RMST: variants seen among roughly 807,000 people sequenced by gnomAD.
The protein encoded by RMST is long intergenic non-protein coding RNA 54.
chr12:97,487,787 G>T (rs958621055), intron 5 of RMST, among the ~76,000 whole-genome samples: 1 of 152,150 alleles, frequency 6.6e-6, no homozygotes, highest in Non-Finnish European at 1.5e-5. Context: ...TTAGCTCCTC[G>T]CAGTCTTTGT....
At chr12:97,528,241 G>A (rs1457429231) in intron 10 of RMST, among the ~76,000 whole-genome samples, 1 of 152,048 alleles carries the variant, frequency 6.6e-6, no homozygotes, top group Non-Finnish European at 1.5e-5. Flanking sequence ...AATATACTCA[G>A]TAATCAATAT....
chr12:97,546,783 T>C (rs1882965306), intron 11 of RMST, among the ~76,000 whole-genome samples: 1 of 152,126 alleles, frequency 6.6e-6, no homozygotes, highest in South Asian at 2.1e-4. Context: ...ATATACATTA[T>C]CTCACATACT....
intron 10 of RMST, among the ~76,000 whole-genome samples, chr12:97,498,662 G>A (rs1156433813): frequency 6.6e-6 from 1 of 152,094 alleles, no homozygotes. Context: ...TCAGGCAATC[G>A]TGGTAACTAC....
intron 10 of RMST, among the ~76,000 whole-genome samples, chr12:97,520,717 T>A (rs1299960431): frequency 6.6e-6 from 1 of 152,196 alleles, no homozygotes; most frequent in Non-Finnish European, 1.5e-5. Flanking sequence ...TTCCTATGAG[T>A]GTGTATGTGC....
intron 10 of RMST, among the ~76,000 whole-genome samples, chr12:97,497,628 C>T (rs1337877075): frequency 2.0e-5 from 3 of 151,438 alleles, no homozygotes; most frequent in Non-Finnish European, 4.4e-5. Flanking sequence ...AACCCTTTCC[C>T]ATGATAGTCA....
intron 11 of RMST, among the ~76,000 whole-genome samples, chr12:97,538,767 T>C (rs1882286044): frequency 6.6e-6 from 1 of 151,494 alleles, no homozygotes; most frequent in African/African-American, 2.4e-5. Flanking sequence ...ATTTCAATTA[T>C]GCTAATTTCT....
At chr12:97,477,308 T>C (rs1874670563) in intron 5 of RMST, among the ~76,000 whole-genome samples, 1 of 152,174 alleles carries the variant, frequency 6.6e-6, no homozygotes, top group Admixed American at 6.5e-5. Flanking sequence ...GCAATCCTGC[T>C]GAGCATTGAT....
chr12:97,467,130 G>A (rs1002284796), intron 5 of RMST, among the ~76,000 whole-genome samples: 1 of 151,928 alleles, frequency 6.6e-6, no homozygotes, highest in Admixed American at 6.6e-5. Context: ...ATTTAAAATT[G>A]GACTAAGAAA....
chr12:97,494,379 C>G (rs1006065572), intron 8 of RMST, among the ~76,000 whole-genome samples: 2 of 152,002 alleles, frequency 1.3e-5, no homozygotes, highest in African/African-American at 4.8e-5. Flanking sequence ...TTTGTGGGAT[C>G]AAAAATGGAT....
intron 5 of RMST, among the ~76,000 whole-genome samples, chr12:97,490,951 T>C (rs6538806): frequency 0.27 from 41,061 of 152,000 alleles, 6,512 homozygotes; most frequent in African/African-American, 0.44. Context: ...AGAAAAACAA[T>C]GAGCTACTCC....
At chr12:97,531,165 T>G (rs569105032) in intron 11 of RMST, among the ~76,000 whole-genome samples, 1 of 152,138 alleles carries the variant, frequency 6.6e-6, no homozygotes, top group Non-Finnish European at 1.5e-5. Context: ...ATGGGACATT[T>G]ATATTGTGTA....
intron 10 of RMST, among the ~76,000 whole-genome samples, chr12:97,496,962 T>A (rs1877500372): frequency 6.6e-6 from 1 of 152,180 alleles, no homozygotes; most frequent in Non-Finnish European, 1.5e-5. Context: ...ACAGTGATAA[T>A]ATCATAACTC....
intron 5 of RMST, among the ~76,000 whole-genome samples, chr12:97,474,733 A>G (rs963521962): frequency 2.7e-5 from 3 of 111,298 alleles, no homozygotes; most frequent in Admixed American, 9.2e-5. Flanking sequence ...AAATATGTGG[A>G]AAAAAAATTG....
intron 10 of RMST, among the ~76,000 whole-genome samples, chr12:97,499,363 C>T (rs976576965): frequency 2.6e-5 from 4 of 151,970 alleles, no homozygotes; most frequent in Non-Finnish European, 5.9e-5. Context: ...CTGAGATGTT[C>T]TCCTGTAATA....
chr12:97,551,206 C>T (rs944024594), intron 11 of RMST, among the ~76,000 whole-genome samples: 3 of 149,192 alleles, frequency 2.0e-5, no homozygotes, highest in Non-Finnish European at 4.5e-5. Flanking sequence ...AGTTCTGTTT[C>T]ATTTTCCACT....
At chr12:97,478,140 G>A (rs1874784167) in intron 5 of RMST, among the ~76,000 whole-genome samples, 1 of 152,194 alleles carries the variant, frequency 6.6e-6, no homozygotes, top group Non-Finnish European at 1.5e-5. Context: ...ATTGGGCTTT[G>A]AAAGGGAAGG....
chr12:97,529,774 C>T (rs1161214903), intron 10 of RMST, among the ~76,000 whole-genome samples: 1 of 152,022 alleles, frequency 6.6e-6, no homozygotes, highest in African/African-American at 2.4e-5. Flanking sequence ...ATTGAGATTT[C>T]AGTAAATTCA....
rs971453604 is a variant in RMST, at chr12:97,491,789, A to G, written n.645-672A>G. On this transcript the variant is annotated intron_variant and non_coding_transcript_variant, in intron 5 of 13. Transcript: ENST00000640149. Reference sequence around the variant, plus strand: ...ATGACTACCATGTCAATAGATTAGAACAACAATCGTGTCATGGCTTTTTTG... The same window carrying G: ...ATGACTACCATGTCAATAGATTAGAGCAACAATCGTGTCATGGCTTTTTTG... 51 of 380,840 alleles carry G rather than the reference A, an allele frequency of 1.3e-4. 1 individual carries two copies. In the Admixed American group the frequency reaches 1.4e-3, roughly 10 times the overall value. 23.6% of individuals were successfully genotyped at this position (380,840 alleles called of 1,614,324 possible). A position where few individuals can be genotyped will look rare whatever the true frequency, so the allele number is the denominator to read the frequency against.
chr12:97,553,499 G>C lies in RMST; in HGVS notation n.1546-7038G>C, dbSNP rs114363298. ...AACTAAGTTCCATGAGGGCAGGAAA[G>C]ATGTCTATCAACAACTCTTAGCTCA... On this transcript the variant is annotated intron_variant and non_coding_transcript_variant, in intron 11 of 13. Transcript: ENST00000640149. Among the ~76,000 whole-genome samples the C allele has an allele frequency of 3.7e-3, 559 of 152,342 alleles. 6 individuals carry two copies. Among genetic ancestry groups the C allele is most frequent in the African/African-American group, 0.013 (538 of 41,580 alleles).
Sources: gnomAD v4.1 joint callset for allele counts (sites outside exome capture counted in the v4.1 genomes callset) on GRCh38, gnomAD v4.1.1 for gene constraint, MANE v1.5 for transcripts, NCBI Gene and HGNC (gene_info 2026-07-23, HGNC 2026-07-21) for gene names.